SLC25A26: variants seen among roughly 807,000 people sequenced by gnomAD.
SLC25A26 encodes the protein mitochondrial S-adenosylmethionine carrier protein.
SLC25A26 carries 36 observed loss-of-function variants against 37.8 expected under a neutral mutation model. That is an observed-to-expected ratio of 0.95 (90% CI 0.73 to 1.26). The LOEUF is 1.26. Among genes scored for constraint, SLC25A26 ranks in the 50% most tolerant of loss-of-function variants. The probability of loss-of-function intolerance (pLI) is 0.00; values close to 1 mark genes in which losing one functional copy is unlikely to be tolerated. For missense variants in SLC25A26, 390 were observed against 331.1 expected, an observed-to-expected ratio of 1.18 and a Z score of -1.38; for synonymous variants, 129 against 122.5, an observed-to-expected ratio of 1.05 and a Z score of -0.35.
rs145707238 is a variant in SLC25A26 at position 66,315,820 on chromosome 3, G to A, written c.454-30544G>A. The stretch of plus-strand genomic sequence containing the variant: ...CCTGTATTGGGTCCATATATATTTA[G>A]GATAGTTAGCTCTTCTTCTTGATTT... On this transcript the variant is annotated intron_variant, in intron 5 of 9. Coordinates refer to ENST00000354883, the MANE Select transcript of SLC25A26 (RefSeq NM_001379210.1). Among the ~76,000 whole-genome samples the A allele has an allele frequency of 4.9e-3, 745 of 152,214 alleles. 11 individuals carry two copies. The highest frequency in any genetic ancestry group is 0.013 in the African/African-American group (547 of 41,518).
chr3:66,377,242 C>T (rs1378927431), intron 9 of SLC25A26, among the ~76,000 whole-genome samples: 1 of 152,190 alleles, frequency 6.6e-6, no homozygotes, highest in Admixed American at 6.5e-5. Flanking sequence ...ATTTGCCTTT[C>T]ATGCCTTTAG....
chr3:66,374,866 A>G (rs1337326428), intron 9 of SLC25A26, among the ~76,000 whole-genome samples: 1 of 141,828 alleles, frequency 7.1e-6, no homozygotes, highest in Non-Finnish European at 1.5e-5. Flanking sequence ...GGGTAACAGC[A>G]AGACCCTATC....
chr3:66,275,889 A>G (rs1475338745), intron 5 of SLC25A26, among the ~76,000 whole-genome samples: 3 of 152,120 alleles, frequency 2.0e-5, no homozygotes, highest in Admixed American at 6.6e-5. Context: ...AATTATCTCC[A>G]GTGAATACCG....
intron 1 of SLC25A26, among the ~76,000 whole-genome samples, chr3:66,229,366 A>G (rs943527928): frequency 2.2e-4 from 34 of 152,204 alleles, no homozygotes; most frequent in Non-Finnish European, 4.1e-4. Context: ...TCCCCACCCA[A>G]AATTTCATCT....
intron 5 of SLC25A26, among the ~76,000 whole-genome samples, chr3:66,324,596 A>C (rs1312572155): frequency 1.3e-5 from 2 of 152,152 alleles, no homozygotes; most frequent in African/African-American, 4.8e-5. Context: ...AGTTTGTTTC[A>C]GGAAGGGGCT....
At chr3:66,317,628 G>T (rs2075575145) in intron 5 of SLC25A26, among the ~76,000 whole-genome samples, 1 of 152,232 alleles carries the variant, frequency 6.6e-6, no homozygotes, top group African/African-American at 2.4e-5. Flanking sequence ...CAGTCTGGCT[G>T]CCCGTTGGCA....
intron 1 of SLC25A26, among the ~76,000 whole-genome samples, chr3:66,146,818 TTTA>T (rs1393087054): frequency 1.3e-5 from 2 of 152,142 alleles, no homozygotes; most frequent in African/African-American, 4.8e-5. Context: ...TATGTAGTCT[TTTA>T]TCCCTCACTC....
intron 1 of SLC25A26, among the ~76,000 whole-genome samples, chr3:66,235,739 C>CT (rs2072247952): frequency 6.6e-6 from 1 of 152,056 alleles, no homozygotes; most frequent in South Asian, 2.1e-4. Context: ...ATCATCTTTT[C>CT]TTTTTAAAGA....
At chr3:66,340,034 GT>G (rs149421678) in intron 5 of SLC25A26, among the ~76,000 whole-genome samples, 7,822 of 151,994 alleles carry the variant, frequency 0.051, 637 homozygotes, top group African/African-American at 0.17. Flanking sequence ...TTTATATAGG[GT>G]TATGAGGTAA....
rs2070127342 is a variant in SLC25A26, at chr3:66,147,080, TCCC to T, written c.-354+13098_-354+13100del. Among the ~76,000 whole-genome samples the T allele has an allele frequency of 0.015, 38 of 2,508 alleles. 3 individuals are homozygous for T. In the East Asian group the frequency reaches 0.31, roughly 21 times the overall value. The allele number at this position is 2,508 out of a possible 152,430, so 1.6% of individuals were successfully genotyped here. ...TTCCCTTCCCTCCCCTTCCCTTCCCTCCCCTCCCCTCCCCTCCCCTCCCCTCCC... is the reference window on the plus strand; with the variant it reads ...TTCCCTTCCCTCCCCTTCCCTTCCCTCTCCCCTCCCCTCCCCTCCCCTCCC... On this transcript the variant is annotated intron_variant, in intron 1 of 10. Transcript: ENST00000676754.
At chr3:66,147,872 C>T (rs1389237159) in intron 1 of SLC25A26, among the ~76,000 whole-genome samples, 1 of 152,182 alleles carries the variant, frequency 6.6e-6, no homozygotes, top group Non-Finnish European at 1.5e-5. Context: ...CATTTTCCTG[C>T]CTCAGCCTCC....
At position 66,325,450 on chromosome 3, in the gene SLC25A26, A is replaced by G. The variant is rs147756658; in HGVS notation, c.454-20914A>G. ...TGGGCCTTGCTTTTGCCTCTTGCCT[A>G]GTTCACAGTCTGGTAAATGAAACCA... On this transcript the variant is annotated intron_variant, in intron 5 of 9. Transcript: ENST00000354883. 8.4e-4 allele frequency among the ~76,000 whole-genome samples: 128 copies of G among 152,320 alleles called. 1 individual carries two copies. Among genetic ancestry groups the G allele is most frequent in the African/African-American group, 2.8e-3 (117 of 41,570 alleles).
chr3:66,258,758 G>A (rs1225683862), intron 3 of SLC25A26, among the ~76,000 whole-genome samples: 1 of 151,958 alleles, frequency 6.6e-6, no homozygotes, highest in Non-Finnish European at 1.5e-5. Flanking sequence ...GCCAAGGTGG[G>A]AGAATTGCCT....
chr3:66,343,583 G>A (rs964487272), intron 5 of SLC25A26, among the ~76,000 whole-genome samples: 4 of 152,194 alleles, frequency 2.6e-5, no homozygotes, highest in African/African-American at 7.2e-5. Flanking sequence ...TGGGCAAAAT[G>A]TTTAATGATA....
At chr3:66,349,078 A>G (rs2076391836) in intron 6 of SLC25A26, among the ~76,000 whole-genome samples, 1 of 152,210 alleles carries the variant, frequency 6.6e-6, no homozygotes, top group South Asian at 2.1e-4. Context: ...AAGAAGGAAA[A>G]AGCATAGTGT....
At chr3:66,152,853 C>T (rs1309840884) in intron 1 of SLC25A26, among the ~76,000 whole-genome samples, 7 of 152,162 alleles carry the variant, frequency 4.6e-5, no homozygotes, top group Non-Finnish European at 2.9e-5. Context: ...ATCACAAACA[C>T]ATACATGGAC....
At chr3:66,169,797 A>C (rs1214341334) in intron 1 of SLC25A26, among the ~76,000 whole-genome samples, 1 of 152,246 alleles carries the variant, frequency 6.6e-6, no homozygotes, top group Non-Finnish European at 1.5e-5. Context: ...ATGCTGAATC[A>C]AAAAATGATT....
At chr3:66,307,677 T>C (rs994129886) in intron 5 of SLC25A26, among the ~76,000 whole-genome samples, 2 of 152,234 alleles carry the variant, frequency 1.3e-5, no homozygotes, top group African/African-American at 4.8e-5. Context: ...AATTTTTGTA[T>C]TAGGTATAAG....
intron 9 of SLC25A26, among the ~76,000 whole-genome samples, chr3:66,372,406 T>C (rs1031395178): frequency 6.6e-6 from 1 of 152,062 alleles, no homozygotes; most frequent in Non-Finnish European, 1.5e-5. Flanking sequence ...TTATGTTGAG[T>C]AGATGATTGA....
Sources: allele counts gnomAD v4.1 joint callset (sites outside exome capture counted in the v4.1 genomes callset), GRCh38; gene constraint gnomAD v4.1.1; transcripts MANE v1.5; gene names NCBI Gene and HGNC (gene_info 2026-07-23, HGNC 2026-07-21).